Variants in UBAC2 observed in about 807,000 individuals in gnomAD.
The protein encoded by UBAC2 is UBA domain containing 2.
Under a neutral mutation model 44.0 loss-of-function variants are expected in UBAC2, and 26 were observed. The observed-to-expected ratio is 0.59, with a 90% CI of 0.43 to 0.82. The LOEUF (loss-of-function observed/expected upper bound fraction) is 0.82. UBAC2 is among the 40% of genes least tolerant of loss of function. The pLI is 0.00. For missense variants in UBAC2, 329 were observed against 419.4 expected (o/e 0.78, Z 1.88); for synonymous variants, 155 against 154.3 (o/e 1.00, Z -0.04).
intron 4 of UBAC2, among the ~76,000 whole-genome samples, chr13:99,288,956 C>T (rs1231668742): frequency 6.6e-6 from 1 of 152,200 alleles, no homozygotes; most frequent in Non-Finnish European, 1.5e-5. Context: ...GTCTCTTCCC[C>T]AATGGAGTTT....
Position 99,384,831 on chromosome 13 carries a change from T to TGTGATGCCAGGGCCGAACGTGGCAGTGAC in UBAC2, c.928-396_928-395insTGATGCCAGGGCCGAACGTGGCAGTGACG, listed in dbSNP as rs1566533724. On this transcript the variant is annotated intron_variant, in intron 8 of 8. Transcript: ENST00000403766. Reference sequence around the variant, plus strand: ...ATGCCAGGGCCGAGCGTGGCAGTGATGCCAGGAGTGCGATGCCAGGGCTGA... The same window carrying TGTGATGCCAGGGCCGAACGTGGCAGTGAC: ...ATGCCAGGGCCGAGCGTGGCAGTGATGTGATGCCAGGGCCGAACGTGGCAGTGACGCCAGGAGTGCGATGCCAGGGCTGA... 2.7e-5 allele frequency among the ~76,000 whole-genome samples: 3 copies of TGTGATGCCAGGGCCGAACGTGGCAGTGAC among 112,328 alleles called. No homozygotes were observed. In the South Asian group the frequency reaches 8.4e-4, roughly 31 times the overall value. 73.7% of individuals were successfully genotyped at this position (112,328 alleles called of 152,430 possible). A position where few individuals can be genotyped will look rare whatever the true frequency, so the allele number is the denominator to read the frequency against.
At chr13:99,242,231 C>A (rs1220603628) in intron 2 of UBAC2, among the ~76,000 whole-genome samples, 13 of 152,230 alleles carry the variant, frequency 8.5e-5, no homozygotes, top group Non-Finnish European at 1.5e-4. Context: ...TCATCATGGC[C>A]CGTTCTCAAT....
chr13:99,329,342 A>C (rs546888416), intron 6 of UBAC2, among the ~76,000 whole-genome samples: 1 of 152,348 alleles, frequency 6.6e-6, no homozygotes, highest in South Asian at 2.1e-4. Context: ...GAAAAGAGTT[A>C]AGATTTTGCT....
At chr13:99,323,074 G>A (rs564766539) in intron 6 of UBAC2, among the ~76,000 whole-genome samples, 1 of 152,144 alleles carries the variant, frequency 6.6e-6, no homozygotes, top group South Asian at 2.1e-4. Flanking sequence ...GGGATGGTAG[G>A]TGTGAGTTCC....
chr13:99,319,060 G>A (rs1285682947), intron 6 of UBAC2, among the ~76,000 whole-genome samples: 1 of 152,128 alleles, frequency 6.6e-6, no homozygotes, highest in Non-Finnish European at 1.5e-5. Context: ...ATGCCAACTG[G>A]AAAGTCAGGT....
chr13:99,344,189 G>A, intron 7 of UBAC2, among the ~76,000 whole-genome samples: 1 of 152,184 alleles, frequency 6.6e-6, no homozygotes, highest in East Asian at 1.9e-4. Flanking sequence ...TGACCCCGGA[G>A]GCTCAGGGGA....
rs370156548 is a variant in UBAC2, at chr13:99,356,120, T to G, written c.808-11667T>G. On this transcript the variant is annotated intron_variant, in intron 7 of 8. Transcript: ENST00000403766. ...AAGTAAACAAGACTTGGGACACATG[T>G]CTGTCAGACTGTACACAGTAGAAGC... 5.6e-3 allele frequency: 2,931 copies of G among 527,380 alleles called. 75 individuals are homozygous for G. The highest frequency in any genetic ancestry group is 0.04 in the South Asian group (2,846 of 71,352). 32.7% of individuals were successfully genotyped at this position (527,380 alleles called of 1,614,324 possible). A position where few individuals can be genotyped will look rare whatever the true frequency, so the allele number is the denominator to read the frequency against.
At chr13:99,256,704 C>A in intron 4 of UBAC2, among the ~76,000 whole-genome samples, 2 of 51,076 alleles carry the variant, frequency 3.9e-5, no homozygotes, top group Non-Finnish European at 4.2e-5. Flanking sequence ...TATAAATTTC[C>A]ATCACCAAAA....
chr13:99,383,081 C>CT (rs1310186884), intron 8 of UBAC2, among the ~76,000 whole-genome samples: 4 of 152,354 alleles, frequency 2.6e-5, no homozygotes, highest in Non-Finnish European at 4.4e-5. Context: ...TGGCAGCATT[C>CT]TCAGCCACCT....
intron 1 of UBAC2, chr13:99,201,236 GTGT>G (rs1315620793): frequency 1.4e-5 from 20 of 1,433,860 alleles, no homozygotes; most frequent in Non-Finnish European, 1.8e-5. Flanking sequence ...AGGTGCCCTG[GTGT>G]TCTCGTGGGC....
chr13:99,260,390 C>T (rs2043642119), intron 4 of UBAC2, among the ~76,000 whole-genome samples: 10 of 152,108 alleles, frequency 6.6e-5, no homozygotes, highest in Admixed American at 6.5e-4. Flanking sequence ...TCTGACTGAA[C>T]AAGTAGGTGA....
At chr13:99,315,857 A>G (rs1263286445) in intron 5 of UBAC2, among the ~76,000 whole-genome samples, 1 of 152,058 alleles carries the variant, frequency 6.6e-6, no homozygotes, top group Non-Finnish European at 1.5e-5. Flanking sequence ...TCTCGGGGAA[A>G]GGGGGTCTTA....
intron 4 of UBAC2, among the ~76,000 whole-genome samples, chr13:99,292,035 A>C (rs1412141537): frequency 2.0e-5 from 3 of 152,190 alleles, no homozygotes; most frequent in Non-Finnish European, 4.4e-5. Flanking sequence ...GCTAGCATGT[A>C]ATAAAGCAGT....
intron 4 of UBAC2, among the ~76,000 whole-genome samples, chr13:99,271,658 T>G (rs193065444): frequency 6.6e-6 from 1 of 152,232 alleles, no homozygotes; most frequent in African/African-American, 2.4e-5. Flanking sequence ...GTTTTTAAAT[T>G]GTTTTTCACT....
rs555954208 is a variant in UBAC2, at chr13:99,210,914, G to A, written c.31+9975G>A. On this transcript the variant is annotated intron_variant, in intron 1 of 8. Coordinates refer to ENST00000403766, the MANE Select transcript of UBAC2 (RefSeq NM_001144072.2). ...GGTGTGAGCCACCATGCTGGGCCCC[G>A]CTTTTTCCCTTTGTCATAAGCATTC... is the stretch of plus-strand genomic sequence containing the variant. Among the ~76,000 whole-genome samples the A allele has an allele frequency of 1.6e-4, 25 of 152,192 alleles. 1 individual carries two copies. Among genetic ancestry groups the A allele is most frequent in the Admixed American group, 1.2e-3 (18 of 15,274 alleles).
chr13:99,314,872 A>G (rs1281143763), intron 5 of UBAC2: 2 of 152,164 alleles, frequency 1.3e-5, no homozygotes, highest in East Asian at 3.8e-4. Flanking sequence ...TCAGTTTTCT[A>G]TCTGTACTAC....
intron 6 of UBAC2, among the ~76,000 whole-genome samples, chr13:99,323,126 G>C (rs7339230): frequency 1.3e-5 from 2 of 151,636 alleles, no homozygotes; most frequent in African/African-American, 4.9e-5. Flanking sequence ...TCTTCTCTCC[G>C]TGCTTCCTTT....
chr13:99,375,367 G>C (rs555230365), intron 8 of UBAC2, among the ~76,000 whole-genome samples: 5 of 152,288 alleles, frequency 3.3e-5, no homozygotes, highest in African/African-American at 1.2e-4. Context: ...CAAGGGTCTC[G>C]GCCATGCGTC....
intron 1 of UBAC2, among the ~76,000 whole-genome samples, chr13:99,222,675 A>C (rs1416272704): frequency 6.6e-6 from 1 of 152,156 alleles, no homozygotes; most frequent in Non-Finnish European, 1.5e-5. Flanking sequence ...AATTACATTG[A>C]TTTGCTTTGC....
Sources: allele counts gnomAD v4.1 joint callset (sites outside exome capture counted in the v4.1 genomes callset), GRCh38; gene constraint gnomAD v4.1.1; transcripts MANE v1.5; gene names NCBI Gene and HGNC (gene_info 2026-07-23, HGNC 2026-07-21).